The following INPP5J variants were observed in gnomAD, a reference collection of about 807,000 sequenced individuals.
The protein encoded by INPP5J is phosphatidylinositol 4,5-bisphosphate 5-phosphatase A.
Under a neutral mutation model 86.6 loss-of-function variants are expected in INPP5J, and 75 were observed. The ratio of observed to expected loss-of-function variants is 0.87; its 90% CI spans 0.72 to 1.05. The LOEUF is 1.05. Among genes scored for constraint, INPP5J ranks in the 50% least tolerant of loss-of-function variants. INPP5J has a pLI of 0.00. For synonymous variants in INPP5J, 540 were observed against 550.0 expected, an observed-to-expected ratio of 0.98 and a Z score of 0.25; for missense variants, 1,229 against 1,341.2, an observed-to-expected ratio of 0.92 and a Z score of 1.31.
chr22:31,124,774 G>T, intron 1 of INPP5J, 71 bp from the exon 2 acceptor site: 1 of 1,328,484 alleles, frequency 7.5e-7, no homozygotes. Context: ...ACTCTGCCAG[G>T]GTCTATATGG....
chr22:31,125,747 T>C lies in INPP5J; in HGVS notation c.1008T>C (p.Thr336=). 3.2e-6 allele frequency: 5 copies of C among 1,550,698 alleles called. No homozygotes were observed. Among genetic ancestry groups the C allele is most frequent in the Non-Finnish European group, 4.4e-6 (5 of 1,146,312 alleles). ...TFRPGAPSGQ[T]VPPPLPKPPR... ...GGCCTGGGGCCCCCTCAGGCCAGAC[T>C]GTGCCCCCACCTCTGCCCAAGCCAC... Residue 336 remains threonine, a synonymous_variant, in exon 2 of 13, where the codon ACT becomes ACC. Coordinates refer to ENST00000331075, the MANE Select transcript of INPP5J (RefSeq NM_001284285.2).
At chr22:31,130,513 C>CA (rs753550517) in intron 9 of INPP5J, among the ~76,000 whole-genome samples, 2,394 of 108,672 alleles carry the variant, frequency 0.022, 33 homozygotes, top group Non-Finnish European at 0.036. Context: ...GACCTTGTCT[C>CA]AAAAAAAAAA....
At chr22:31,127,270 C>T (rs1921580260) in intron 5 of INPP5J, 87 bp from the exon 6 acceptor site, 10 of 1,289,566 alleles carry the variant, frequency 7.8e-6, no homozygotes, top group Non-Finnish European at 1.1e-5. Context: ...CCACCTTCCA[C>T]CCACATCTCC....
Position 31,126,004 on chromosome 22 carries a change from GC to G in INPP5J, c.1266del (p.Phe423SerfsTer36). On this transcript the variant is annotated frameshift_variant, in exon 2 of 13. Transcript: ENST00000331075. LOFTEE classifies it high-confidence loss of function. ...SAQPTWKSDPGFRITVVTWNV... is the reference protein window; with the variant it reads ...SAQPTWKSDPXFRITVVTWNV... ...CAGCCTACCTGGAAGAGCGACCCCG[GC>G]TTCCGGTGAGGGGGCCCTCTCCCAA... 6.4e-7 allele frequency: 1 copy of G among 1,565,406 alleles called. No homozygotes were observed. Among genetic ancestry groups the G allele is most frequent in the Non-Finnish European group, 8.7e-7 (1 of 1,153,496 alleles).
chr22:31,132,816 C>A (rs116234050), intron 9 of INPP5J, among the ~76,000 whole-genome samples: 8 of 152,200 alleles, frequency 5.3e-5, no homozygotes, highest in African/African-American at 1.9e-4. Context: ...GAGGAACTCA[C>A]CCAGCCTGTC....
At position 31,133,668 on chromosome 22, in the gene INPP5J, A is replaced by G. The variant is rs1377258254; in HGVS notation, c.2468A>G (p.Tyr823Cys). 1.9e-6 allele frequency: 3 copies of G among 1,613,318 alleles called. No individual in the cohort carries two copies. The South Asian group carries it at 3.3e-5, about 18-fold the overall frequency. The change falls in exon 12 of 13, where the codon TAT becomes TGT. Residue 823 changes from tyrosine (Y) to cysteine (C), a missense_variant. Coordinates refer to ENST00000331075, the MANE Select transcript of INPP5J (RefSeq NM_001284285.2). ...KGHGDFILGY[Y>C]SHNHSILIGI... ...CATGGAGACTTCATCCTGGGCTACT[A>G]TAGTCACAACCACAGCATCCTCATC...
chr22:31,130,109 AT>A (rs1040679154), intron 9 of INPP5J, among the ~76,000 whole-genome samples: 5 of 151,936 alleles, frequency 3.3e-5, no homozygotes, highest in Non-Finnish European at 7.4e-5. Context: ...TGGGAGGCTG[AT>A]GTGGGCGGAT....
In INPP5J at chr22:31,125,016, G is replaced by GA; in HGVS notation, c.279dup (p.Gly94ArgfsTer99). On this transcript the variant is annotated frameshift_variant, in exon 2 of 13. Transcript: ENST00000331075. LOFTEE classifies it high-confidence loss of function. ...AATCCTGGCTCCACTGTGTACCCCT[G>GA]AAGGGCAGAAAACAGCTACTGCCCA... 1 of 1,562,028 alleles carries GA rather than the reference G, an allele frequency of 6.4e-7. No individual in the cohort carries two copies. Among genetic ancestry groups the GA allele is most frequent in the Non-Finnish European group, 8.7e-7 (1 of 1,153,226 alleles).
In INPP5J at chr22:31,133,471, G is replaced by A. The variant is rs751228141; in HGVS notation, c.2397G>A (p.Gly799=). The A allele has an allele frequency of 1.2e-6, 2 of 1,613,770 alleles. No homozygotes were observed. The highest frequency in any genetic ancestry group is 1.7e-6 in the Non-Finnish European group (2 of 1,179,754). ...GGGCCAAACATGAAGATGTGGATGGGAATACCTACCAGGTACTTAAAAGGA... is the reference window on the plus strand; with the variant it reads ...GGGCCAAACATGAAGATGTGGATGGAAATACCTACCAGGTACTTAAAAGGA... ...YVWAKHEDVD[G]NTYQVTFSEE... The change falls in exon 11 of 13, where the codon GGG becomes GGA. Residue 799 remains glycine, a synonymous_variant. Coordinates refer to ENST00000331075, the MANE Select transcript of INPP5J (RefSeq NM_001284285.2).
At chr22:31,129,893 G>T (rs1400593286) in intron 9 of INPP5J, among the ~76,000 whole-genome samples, 1 of 152,042 alleles carries the variant, frequency 6.6e-6, no homozygotes, top group Non-Finnish European at 1.5e-5. Flanking sequence ...TTCTGAGAAA[G>T]GTTTAGAGTA....
At chr22:31,122,668 T>A (rs959897251), upstream of INPP5J, 1 of 243,812 alleles carries the variant, frequency 4.1e-6, no homozygotes, top group East Asian at 8.4e-5. Flanking sequence ...CTGTCCTACC[T>A]TAAGGCAGGT....
Position 31,124,871 on chromosome 22 carries a change from AAAG to A in INPP5J, c.138_140del (p.Lys46del), listed in dbSNP as rs780946028. The A allele has an allele frequency of 1.1e-5, 17 of 1,612,060 alleles. No individual in the cohort carries two copies. Among genetic ancestry groups the A allele is most frequent in the Admixed American group, 3.3e-5 (2 of 59,932 alleles). On this transcript the variant is annotated inframe_deletion, in exon 2 of 13. Transcript: ENST00000331075. Reference sequence around the variant, plus strand: ...TGGACTCAAGTTTTCAGCTCCCAGCAAAGAAGAACGCAGCCCTAGGACCCTCGG... The same window carrying A: ...TGGACTCAAGTTTTCAGCTCCCAGCAAAGAACGCAGCCCTAGGACCCTCGG...
rs1264011675 is a variant in INPP5J at position 31,125,759 on chromosome 22, T to C, written c.1020T>C (p.Pro340=). ...GAPSGQTVPP[P]LPKPPRSPSR... Reference sequence around the variant, plus strand: ...CCTCAGGCCAGACTGTGCCCCCACCTCTGCCCAAGCCACCCCGATCACCCA... The same window carrying C: ...CCTCAGGCCAGACTGTGCCCCCACCCCTGCCCAAGCCACCCCGATCACCCA... Residue 340 remains proline, a synonymous_variant, in exon 2 of 13, where the codon CCT becomes CCC. Transcript: ENST00000331075. The C allele has an allele frequency of 6.4e-7, 1 of 1,550,880 alleles. No homozygotes were observed. Among genetic ancestry groups the C allele is most frequent in the Non-Finnish European group, 8.7e-7 (1 of 1,146,760 alleles).
rs1291672284 is a variant in INPP5J at position 31,128,331 on chromosome 22, C to T, written c.2009+8C>T. 1.3e-6 allele frequency: 2 copies of T among 1,584,900 alleles called. No homozygotes were observed. The highest frequency in any genetic ancestry group is 1.8e-5 in the Admixed American group (1 of 55,024). On this transcript the variant is annotated splice_region_variant and intron_variant, in intron 8 of 12. Coordinates refer to ENST00000331075, the MANE Select transcript of INPP5J (RefSeq NM_001284285.2). ...CAACAAATACGATACCAGGTGAGCT[C>T]AGTCCGAGGAGGGACTGAGGGGAAG...
chr22:31,133,831 C>T lies in INPP5J; in HGVS notation c.2515-82C>T, dbSNP rs564104671. The T allele has an allele frequency of 8.4e-5, 133 of 1,590,408 alleles. No individual in the cohort carries two copies. The African/African-American group carries it at 1.5e-3, about 17-fold the overall frequency. On this transcript the variant is annotated intron_variant, in intron 12 of 12. Transcript: ENST00000331075. ...AACCTGACCTCCCAAGATCTGCCAA[C>T]GAGAGAGGCAGACCTCGGGAGGTCA...
intron 12 of INPP5J, 91 bp from the exon 13 acceptor site, chr22:31,133,822 A>G: frequency 6.3e-7 from 1 of 1,590,022 alleles, no homozygotes; most frequent in East Asian, 2.2e-5. Flanking sequence ...ACCTCCCAAG[A>G]TCTGCCAACG....
In INPP5J at chr22:31,123,089, G is replaced by C; in HGVS notation, c.75G>C (p.Gln25His). 3.4e-6 allele frequency: 5 copies of C among 1,485,628 alleles called. No individual in the cohort carries two copies. Among genetic ancestry groups the C allele is most frequent in the Non-Finnish European group, 4.5e-6 (5 of 1,121,554 alleles). 92.0% of individuals were successfully genotyped at this position (1,485,628 alleles called of 1,614,324 possible). A position where few individuals can be genotyped will look rare whatever the true frequency, so the allele number is the denominator to read the frequency against. ...GCCTGGGTTCCCTGCCCATGCCCCA[G>C]GGTGTTGCCCAAACTGGGGCACCCT... ...RAGLGSLPMP[Q>H]GVAQTGAPSK... is the part of the protein sequence containing the mutation. Residue 25 changes from glutamine to histidine, a missense_variant, in exon 1 of 13, where the codon CAG becomes CAC. Physicochemically the swap from Gln to His is conservative, Grantham distance 24. Coordinates refer to ENST00000331075, the MANE Select transcript of INPP5J (RefSeq NM_001284285.2).
In INPP5J at chr22:31,126,417, C is replaced by G. The variant is rs545882905; in HGVS notation, c.1313C>G (p.Pro438Arg). The G allele has an allele frequency of 1.9e-6, 3 of 1,613,842 alleles. No individual in the cohort carries two copies. In the South Asian group the frequency reaches 3.3e-5, roughly 18 times the overall value. ...VTWNVGTAMP[P>R]DDVTSLLHLG... Reference sequence around the variant, plus strand: ...TGGAACGTGGGCACTGCCATGCCCCCAGACGATGTCACATCCCTCCTCCAC... The same window carrying G: ...TGGAACGTGGGCACTGCCATGCCCCGAGACGATGTCACATCCCTCCTCCAC... Residue 438 changes from proline to arginine, a missense_variant, in exon 3 of 13, where the codon CCA becomes CGA. Pro to Arg is a moderately radical substitution (Grantham distance 103). Coordinates refer to ENST00000331075, the MANE Select transcript of INPP5J (RefSeq NM_001284285.2).
In INPP5J at chr22:31,134,293, C is replaced by A; in HGVS notation, c.2895C>A (p.Arg965=). ...GCCTGGGCCTGTTGCCCGCCTTGCG[C>A]CTAGAGACTGTAGACCCTGGTGGTG... The part of the protein sequence containing the change: ...PRSLGLLPAL[R]LETVDPGGGG... The change falls in exon 13 of 13, where the codon CGC becomes CGA. Residue 965 remains arginine, a synonymous_variant. Coordinates refer to ENST00000331075, the MANE Select transcript of INPP5J (RefSeq NM_001284285.2). 1 of 1,555,356 alleles carries A rather than the reference C, an allele frequency of 6.4e-7. No individual in the cohort carries two copies. The highest frequency in any genetic ancestry group is 8.7e-7 in the Non-Finnish European group (1 of 1,150,206).
Sources: allele counts gnomAD v4.1 joint callset (sites outside exome capture counted in the v4.1 genomes callset), GRCh38; gene constraint gnomAD v4.1.1; transcripts MANE v1.5; gene names NCBI Gene and HGNC (gene_info 2026-07-23, HGNC 2026-07-21).